Variants in CMTR1 observed in about 807,000 individuals in gnomAD.
The protein encoded by CMTR1 is cap-specific mRNA (nucleoside-2'-O-)-methyltransferase 1.
A neutral mutation model predicts 107.0 loss-of-function variants in CMTR1; 39 were observed. That is an observed-to-expected ratio of 0.36 (90% CI 0.28 to 0.48). The LOEUF is 0.48. CMTR1 is among the 20% of genes least tolerant of loss of function. The pLI, the probability that CMTR1 is intolerant of heterozygous loss-of-function variation, is 0.99. For synonymous variants in CMTR1, 366 were observed against 379.5 expected (o/e 0.96, Z 0.41); for missense variants, 672 against 1,064.9 (o/e 0.63, Z 5.14).
intron 13 of CMTR1, among the ~76,000 whole-genome samples, chr6:37,467,477 A>C (rs1761531813): frequency 6.6e-6 from 1 of 152,124 alleles, no homozygotes; most frequent in African/African-American, 2.4e-5. Context: ...TAATTTGGTC[A>C]AGTTGGTTCA....
At chr6:37,464,941 A>G (rs1328513062) in intron 13 of CMTR1, among the ~76,000 whole-genome samples, 1 of 147,372 alleles carries the variant, frequency 6.8e-6, no homozygotes, top group African/African-American at 2.6e-5. Flanking sequence ...CAGACAAACA[A>G]TAAAACAATG....
chr6:37,472,281 C>A lies in CMTR1; in HGVS notation c.1621-138C>A. 1 of 749,886 alleles carries A rather than the reference C, an allele frequency of 1.3e-6. No homozygotes were observed. The highest frequency in any genetic ancestry group is 2.6e-5 in the East Asian group (1 of 38,328). 46.5% of individuals were successfully genotyped at this position (749,886 alleles called of 1,614,324 possible). A position where few individuals can be genotyped will look rare whatever the true frequency, so the allele number is the denominator to read the frequency against. The stretch of plus-strand genomic sequence containing the variant: ...AGTGAGTGAATTATCCACCTCCATC[C>A]CTGTCAGCCTAGCCTCCTTTGTTGT... On this transcript the variant is annotated intron_variant, in intron 15 of 23. Transcript: ENST00000373451. This position sits in a 1 kb window ranked among gnomAD's most constrained non-coding sequence, Gnocchi z 4.1.
At chr6:37,446,124 A>T (rs184024049) in intron 3 of CMTR1, among the ~76,000 whole-genome samples, 167 bp from the exon 4 acceptor site, 1 of 152,354 alleles carries the variant, frequency 6.6e-6, no homozygotes, top group Non-Finnish European at 1.5e-5. Context: ...GCCCACAGTT[A>T]TACTGCAGTT....
At chr6:37,478,349 A>C in intron 21 of CMTR1, 60 bp from the exon 22 acceptor site, 1 of 1,313,582 alleles carries the variant, frequency 7.6e-7, no homozygotes, top group Non-Finnish European at 1.1e-6. Context: ...TTAGTCAGAG[A>C]CTAATTTTAT....
upstream of CMTR1, among the ~76,000 whole-genome samples, chr6:37,430,602 AT>A (rs1395602073): frequency 6.6e-6 from 1 of 152,140 alleles, no homozygotes; most frequent in Non-Finnish European, 1.5e-5. Flanking sequence ...GTAAAAAAAA[AT>A]CTTTGTCTAC....
rs186488592 is a variant in CMTR1, at chr6:37,473,087, A to G, written c.1690-383A>G. 1.6e-3 allele frequency among the ~76,000 whole-genome samples: 243 copies of G among 152,264 alleles called. 3 individuals carry two copies. Among genetic ancestry groups the G allele is most frequent in the Non-Finnish European group, 5.9e-4 (40 of 68,014 alleles). On this transcript the variant is annotated intron_variant, in intron 16 of 23. Coordinates refer to ENST00000373451, the MANE Select transcript of CMTR1 (RefSeq NM_015050.3). ...GCCCTCAAAAGAATAGTATGTGTAC[A>G]TTTTTCTAAATGGGGTAAAGAGATC...
chr6:37,474,157 T>C (rs970768284), intron 17 of CMTR1, among the ~76,000 whole-genome samples: 2 of 152,258 alleles, frequency 1.3e-5, no homozygotes, highest in Non-Finnish European at 2.9e-5. Context: ...TCACACTTTG[T>C]CTTTTTCTCA....
chr6:37,434,601 G>T (rs954405463), intron 1 of CMTR1, among the ~76,000 whole-genome samples: 1 of 152,090 alleles, frequency 6.6e-6, no homozygotes, highest in African/African-American at 2.4e-5. Context: ...ATGGATGATT[G>T]ATGGTGGCAT....
Position 37,473,464 on chromosome 6 carries a change from C to T in CMTR1, c.1690-6C>T. 6.2e-7 allele frequency: 1 copy of T among 1,612,272 alleles called. No homozygotes were observed. Among genetic ancestry groups the T allele is most frequent in the South Asian group, 1.1e-5 (1 of 90,798 alleles). On this transcript the variant is annotated splice_region_variant and splice_polypyrimidine_tract_variant and intron_variant, in intron 16 of 23. Coordinates refer to ENST00000373451, the MANE Select transcript of CMTR1 (RefSeq NM_015050.3). Reference sequence around the variant, plus strand: ...CGGCAGTGTTTTCTCTGACTCGTGGCTGCAGGGCACTGAGATTGACATCTT... The same window carrying T: ...CGGCAGTGTTTTCTCTGACTCGTGGTTGCAGGGCACTGAGATTGACATCTT...
At chr6:37,465,942 CA>C in intron 13 of CMTR1, among the ~76,000 whole-genome samples, 1 of 150,642 alleles carries the variant, frequency 6.6e-6, no homozygotes, top group East Asian at 1.9e-4. Context: ...TTTTTTTCCC[CA>C]CTGCATTGAT....
chr6:37,477,238 C>G (rs547554157), intron 20 of CMTR1, among the ~76,000 whole-genome samples: 1 of 152,362 alleles, frequency 6.6e-6, no homozygotes, highest in South Asian at 2.1e-4. Flanking sequence ...CCTTTGTTTT[C>G]TGCCCTCTGG....
chr6:37,471,946 G>C, intron 15 of CMTR1, 42 bp downstream of exon 15: 1 of 1,592,258 alleles, frequency 6.3e-7, no homozygotes, highest in Non-Finnish European at 8.6e-7. Flanking sequence ...GGGCAGGGAA[G>C]CCATAGAGAA....
the CMTR1 span, among the ~76,000 whole-genome samples, chr6:37,424,676 GT>G: frequency 4.0e-5 from 6 of 151,396 alleles, no homozygotes; most frequent in Non-Finnish European, 8.8e-5. Flanking sequence ...GCTAATAATT[GT>G]TTTTTTTAAT....
At chr6:37,461,030 G>A (rs911655802) in intron 10 of CMTR1, among the ~76,000 whole-genome samples, 1 of 152,180 alleles carries the variant, frequency 6.6e-6, no homozygotes, top group Non-Finnish European at 1.5e-5. Context: ...ACAGGAAAGG[G>A]GGTATTGTAA....
intron 16 of CMTR1, among the ~76,000 whole-genome samples, chr6:37,473,063 C>T (rs1371993944): frequency 6.6e-6 from 1 of 152,064 alleles, no homozygotes; most frequent in Non-Finnish European, 1.5e-5. Flanking sequence ...GTTCAAGATG[C>T]CCTCAAAAGA....
chr6:37,466,109 TTTTTG>T (rs1316835223), intron 13 of CMTR1, among the ~76,000 whole-genome samples: 2 of 114,726 alleles, frequency 1.7e-5, no homozygotes, highest in African/African-American at 1.2e-4. Context: ...AGTTTTACAG[TTTTTG>T]TTTTTTTTTT....
intron 9 of CMTR1, 150 bp from the exon 10 acceptor site, chr6:37,459,416 T>G: frequency 1.5e-6 from 1 of 674,178 alleles, no homozygotes; most frequent in Non-Finnish European, 2.7e-6. Flanking sequence ...CTGTTGTTCC[T>G]CCTGGTCCAT....
At chr6:37,469,686 C>T (rs1002104127) in intron 13 of CMTR1, among the ~76,000 whole-genome samples, 25 of 151,620 alleles carry the variant, frequency 1.6e-4, no homozygotes, top group African/African-American at 6.1e-4. Context: ...CACCACCATG[C>T]CTGGCTAGTT....
intron 3 of CMTR1, among the ~76,000 whole-genome samples, chr6:37,445,625 A>T (rs1243562103): frequency 1.3e-5 from 2 of 150,890 alleles, no homozygotes; most frequent in Non-Finnish European, 2.9e-5. Context: ...AGTAGCTGGG[A>T]CTACAGGTGC....
Sources: gnomAD v4.1 joint callset for allele counts (sites outside exome capture counted in the v4.1 genomes callset) on GRCh38, gnomAD v4.1.1 for gene constraint, Gnocchi (gnomAD v3.1) non-coding constraint, MANE v1.5 for transcripts, NCBI Gene and HGNC (gene_info 2026-07-23, HGNC 2026-07-21) for gene names.